The following GABRB2 variants were observed in gnomAD, a reference collection of about 807,000 sequenced individuals.
GABRB2 encodes gamma-aminobutyric acid receptor subunit beta-2.
In GABRB2, 16 loss-of-function variants were observed where a neutral mutation model predicts 54.7. That is an observed-to-expected ratio of 0.29 (90% confidence interval 0.20 to 0.44). GABRB2 has a LOEUF of 0.44. Ranked by LOEUF, GABRB2 falls within the 20% of genes least tolerant of loss-of-function variation. The probability of loss-of-function intolerance (pLI) is 1.00; values close to 1 mark genes in which losing one functional copy is unlikely to be tolerated. For missense variants in GABRB2, 355 were observed against 644.0 expected, an observed-to-expected ratio of 0.55 and a Z score of 4.86; for synonymous variants, 244 against 233.8, an observed-to-expected ratio of 1.04 and a Z score of -0.40.
intron 5 of GABRB2, among the ~76,000 whole-genome samples, chr5:161,364,717 C>A (rs2113457859): frequency 6.6e-6 from 1 of 152,198 alleles, no homozygotes; most frequent in African/African-American, 2.4e-5. Flanking sequence ...TTCTGGCTGA[C>A]TGATAATTAG....
chr5:161,475,532 C>A (rs770135547), intron 3 of GABRB2, among the ~76,000 whole-genome samples: 9 of 151,796 alleles, frequency 5.9e-5, no homozygotes, highest in Non-Finnish European at 1.0e-4. Flanking sequence ...GACTAGAGAC[C>A]AATATTGAAT....
chr5:161,319,607 G>C (rs1209284976), intron 9 of GABRB2, among the ~76,000 whole-genome samples: 2 of 151,318 alleles, frequency 1.3e-5, no homozygotes, highest in African/African-American at 2.4e-5. Context: ...AGTTAAGTGG[G>C]TCCATTGTTT....
chr5:161,502,650 T>C (rs1259146704), intron 3 of GABRB2, among the ~76,000 whole-genome samples: 2 of 152,276 alleles, frequency 1.3e-5, no homozygotes, highest in East Asian at 3.9e-4. Context: ...GAAATTGAGG[T>C]TCGTAAACAC....
intron 4 of GABRB2, among the ~76,000 whole-genome samples, chr5:161,453,637 T>C (rs967529497): frequency 1.3e-5 from 2 of 152,238 alleles, no homozygotes; most frequent in African/African-American, 4.8e-5. Context: ...CAGTTTATGG[T>C]ATTTTATTAT....
intron 5 of GABRB2, among the ~76,000 whole-genome samples, chr5:161,373,632 G>A (rs954874169): frequency 6.6e-6 from 1 of 152,140 alleles, no homozygotes; most frequent in African/African-American, 2.4e-5. Flanking sequence ...ATTGAGGACT[G>A]TTCTAAACAA....
intron 5 of GABRB2, among the ~76,000 whole-genome samples, chr5:161,404,793 T>C: frequency 6.6e-6 from 1 of 152,156 alleles, no homozygotes; most frequent in East Asian, 1.9e-4. Context: ...TATATGCATA[T>C]GGGATCTGCA....
intron 5 of GABRB2, among the ~76,000 whole-genome samples, chr5:161,386,506 T>C (rs1199894632): frequency 2.0e-5 from 3 of 152,176 alleles, no homozygotes; most frequent in African/African-American, 7.2e-5. Flanking sequence ...TATGGAAATA[T>C]TGAGTTATAC....
rs562747192 is a variant in GABRB2 at position 161,349,375 on chromosome 5, A to T, written c.542-12606T>A. ...CAAGACCCAAATTCTGTCAAGATAA[A>T]TGCAACATCCTTAAGTATTTATAGT... On this transcript the variant is annotated intron_variant, in intron 5 of 9. Transcript: ENST00000393959. 2.2e-3 allele frequency among the ~76,000 whole-genome samples: 333 copies of T among 152,252 alleles called. 2 individuals are homozygous for T. Among genetic ancestry groups the T allele is most frequent in the African/African-American group, 7.6e-3 (318 of 41,572 alleles).
At chr5:161,300,282 C>T (rs1757498866) in intron 9 of GABRB2, among the ~76,000 whole-genome samples, 1 of 152,134 alleles carries the variant, frequency 6.6e-6, no homozygotes, top group Admixed American at 6.5e-5. Context: ...ATGTTAAATT[C>T]AATAGCAATT....
intron 4 of GABRB2, among the ~76,000 whole-genome samples, chr5:161,442,000 G>A (rs929324055): frequency 3.3e-5 from 5 of 152,066 alleles, no homozygotes; most frequent in African/African-American, 4.8e-5. Context: ...AGATGGGGAC[G>A]GTTATTGCGT....
At chr5:161,421,607 T>C (rs1428351150) in intron 4 of GABRB2, among the ~76,000 whole-genome samples, 1 of 152,136 alleles carries the variant, frequency 6.6e-6, no homozygotes, top group Non-Finnish European at 1.5e-5. Context: ...AAAATATGTG[T>C]GAGAGCTTGT....
At chr5:161,526,450 A>T (rs1561682502) in intron 3 of GABRB2, among the ~76,000 whole-genome samples, 1 of 151,450 alleles carries the variant, frequency 6.6e-6, no homozygotes, top group Non-Finnish European at 1.5e-5. Context: ...CTGAGTGTAG[A>T]TGCTCTTATT....
intron 5 of GABRB2, among the ~76,000 whole-genome samples, chr5:161,407,745 C>T (rs1756389103): frequency 6.6e-6 from 1 of 151,974 alleles, no homozygotes; most frequent in Non-Finnish European, 1.5e-5. Flanking sequence ...TGCCTCTGAC[C>T]ACACAGGTAA....
intron 5 of GABRB2, among the ~76,000 whole-genome samples, chr5:161,362,058 T>A (rs1754829096): frequency 6.6e-6 from 1 of 152,200 alleles, no homozygotes; most frequent in African/African-American, 2.4e-5. Context: ...CTTGTTTTTG[T>A]CAGGTTTGTC....
chr5:161,460,556 A>G (rs1379285049), intron 3 of GABRB2, among the ~76,000 whole-genome samples: 1 of 152,210 alleles, frequency 6.6e-6, no homozygotes, highest in Non-Finnish European at 1.5e-5. Flanking sequence ...GTGAGATATA[A>G]ACACAATTTT....
At chr5:161,305,117 C>T (rs1294067505) in intron 9 of GABRB2, among the ~76,000 whole-genome samples, 6 of 149,768 alleles carry the variant, frequency 4.0e-5, no homozygotes, top group Non-Finnish European at 5.9e-5. Context: ...CCCGGGTTCA[C>T]GCCATTCTCC....
chr5:161,452,088 A>T (rs1757804973), intron 4 of GABRB2, among the ~76,000 whole-genome samples: 1 of 152,324 alleles, frequency 6.6e-6, no homozygotes, highest in African/African-American at 2.4e-5. Context: ...TAATGAAAAT[A>T]TGCACTGTTA....
intron 4 of GABRB2, among the ~76,000 whole-genome samples, chr5:161,445,302 T>C (rs1253046670): frequency 6.6e-6 from 1 of 152,176 alleles, no homozygotes; most frequent in Non-Finnish European, 1.5e-5. Flanking sequence ...GGCTTTCTCT[T>C]CTTGCAAGCA....
rs77184878 is a variant in GABRB2, at chr5:161,516,805, A to G, written c.237+28422T>C. 5.0e-4 allele frequency among the ~76,000 whole-genome samples: 76 copies of G among 152,330 alleles called. 3 individuals are homozygous for G. The East Asian group carries it at 0.014, about 28-fold the overall frequency. On this transcript the variant is annotated intron_variant, in intron 3 of 9. Transcript: ENST00000393959. ...TGTTCAAACAATCCAACAACAAGGTAGTGTGGACTGCTATCAGTATCCCAG... is the reference window on the plus strand; with the variant it reads ...TGTTCAAACAATCCAACAACAAGGTGGTGTGGACTGCTATCAGTATCCCAG...
Sources: allele counts gnomAD v4.1 joint callset (sites outside exome capture counted in the v4.1 genomes callset), GRCh38; gene constraint gnomAD v4.1.1; transcripts MANE v1.5; gene names NCBI Gene and HGNC (gene_info 2026-07-23, HGNC 2026-07-21).